Variants in EBF1 observed in about 807,000 individuals in gnomAD.
The protein encoded by EBF1 is EBF transcription factor 1.
In EBF1, 10 loss-of-function variants were observed where a neutral mutation model predicts 68.4. That is an observed-to-expected ratio of 0.15 (90% CI 0.09 to 0.25). The LOEUF (loss-of-function observed/expected upper bound fraction) is 0.25, where lower values mean the gene tolerates loss of function less well. Ranked by LOEUF, EBF1 falls within the 10% of genes least tolerant of loss-of-function variation. The probability of loss-of-function intolerance (pLI) is 1.00; values close to 1 mark genes in which losing one functional copy is unlikely to be tolerated. For missense variants in EBF1, 509 were observed against 794.4 expected (o/e 0.64, Z 4.32); for synonymous variants, 298 against 299.8 (o/e 0.99, Z 0.06).
chr5:158,994,489 C>T (rs1233302519), intron 6 of EBF1, among the ~76,000 whole-genome samples: 1 of 152,180 alleles, frequency 6.6e-6, no homozygotes, highest in African/African-American at 2.4e-5. Context: ...GTGACACAAC[C>T]TGCGGAGCTG....
At chr5:158,747,394 G>A (rs1025321307) in intron 10 of EBF1, among the ~76,000 whole-genome samples, 1 of 152,184 alleles carries the variant, frequency 6.6e-6, no homozygotes, top group African/African-American at 2.4e-5. Flanking sequence ...CTTGGGTGAA[G>A]GATTGGTAGG....
chr5:159,092,171 G>T (rs1781761229), intron 4 of EBF1, among the ~76,000 whole-genome samples: 1 of 152,176 alleles, frequency 6.6e-6, no homozygotes, highest in Non-Finnish European at 1.5e-5. Flanking sequence ...TTCTGCAGTA[G>T]ATATTGTTTC....
intron 6 of EBF1, among the ~76,000 whole-genome samples, chr5:159,039,258 T>C (rs1032510700): frequency 3.3e-5 from 5 of 152,250 alleles, no homozygotes; most frequent in Non-Finnish European, 4.4e-5. Context: ...TATAACTCTA[T>C]GCATTAAACC....
intron 9 of EBF1, among the ~76,000 whole-genome samples, chr5:158,791,619 T>C (rs534352842): frequency 6.6e-6 from 1 of 151,962 alleles, no homozygotes; most frequent in South Asian, 2.1e-4. Flanking sequence ...CTAAATTGTA[T>C]AAATTCTGTG....
chr5:158,984,697 T>TC (rs1480193706), intron 6 of EBF1: 2 of 147,220 alleles, frequency 1.4e-5, no homozygotes, highest in African/African-American at 5.1e-5. Context: ...TTTTTTTTTT[T>TC]TTTTTTTGAG....
chr5:158,775,809 C>G (rs1292272636), intron 10 of EBF1, among the ~76,000 whole-genome samples: 2 of 150,880 alleles, frequency 1.3e-5, no homozygotes, highest in African/African-American at 2.4e-5. Flanking sequence ...CACACACACA[C>G]ACACACACAC....
In EBF1 at chr5:158,834,301, A is replaced by G. The variant is rs557819555; in HGVS notation, c.636+5728T>C. Among the ~76,000 whole-genome samples the G allele has an allele frequency of 2.6e-5, 4 of 152,310 alleles. No homozygotes were observed. In the East Asian group the frequency reaches 5.8e-4, roughly 22 times the overall value. On this transcript the variant is annotated intron_variant, in intron 7 of 15. Coordinates refer to ENST00000313708, the MANE Select transcript of EBF1 (RefSeq NM_024007.5). ...ACATTAGCATCTTTTTAGTGTCAAG[A>G]CGAAGAAATAGGATTGTTTAGTCAT...
intron 10 of EBF1, among the ~76,000 whole-genome samples, chr5:158,733,508 T>C (rs2127551995): frequency 6.6e-6 from 1 of 152,228 alleles, no homozygotes; most frequent in Non-Finnish European, 1.5e-5. Context: ...TATCAGCAAT[T>C]AAAAGAACCA....
intron 6 of EBF1, among the ~76,000 whole-genome samples, chr5:158,904,886 AT>A (rs1421963586): frequency 6.6e-6 from 1 of 152,102 alleles, no homozygotes; most frequent in Non-Finnish European, 1.5e-5. Flanking sequence ...TGGCATTTCA[AT>A]TTGTTATTCT....
intron 6 of EBF1, among the ~76,000 whole-genome samples, chr5:158,869,537 A>G (rs1796503404): frequency 6.6e-6 from 1 of 151,136 alleles, no homozygotes; most frequent in African/African-American, 2.4e-5. Context: ...CTATATTAGT[A>G]GTGTTCTCTT....
chr5:158,711,708 G>C (rs1759371798), intron 14 of EBF1, among the ~76,000 whole-genome samples: 1 of 151,384 alleles, frequency 6.6e-6, no homozygotes, highest in Non-Finnish European at 1.5e-5. Flanking sequence ...GTCTTGCTCT[G>C]TCACCCAGGC....
chr5:158,831,039 A>T (rs1270968947), intron 7 of EBF1, among the ~76,000 whole-genome samples: 1 of 152,206 alleles, frequency 6.6e-6, no homozygotes, highest in Non-Finnish European at 1.5e-5. Context: ...GAACGGTGAC[A>T]TATGATAAAC....
At chr5:158,796,616 G>T in intron 8 of EBF1, 141 bp from the exon 9 acceptor site, 2 of 1,028,354 alleles carry the variant, frequency 1.9e-6, no homozygotes, top group Non-Finnish European at 2.7e-6. Context: ...GCATTTCCCA[G>T]CCACATTAGG....
intron 6 of EBF1, among the ~76,000 whole-genome samples, chr5:158,954,136 G>A (rs778706368): frequency 2.0e-5 from 3 of 152,202 alleles, no homozygotes; most frequent in Non-Finnish European, 2.9e-5. Flanking sequence ...TTTTCTCAGA[G>A]TATTCTGTTC....
intron 6 of EBF1, among the ~76,000 whole-genome samples, chr5:158,928,114 C>T (rs961409131): frequency 6.6e-6 from 1 of 152,216 alleles, no homozygotes; most frequent in Admixed American, 6.5e-5. Context: ...TAATTATGAT[C>T]TCAGGGTGTC....
chr5:159,096,882 T>A, intron 2 of EBF1, 92 bp downstream of exon 2: 1 of 1,476,004 alleles, frequency 6.8e-7, no homozygotes, highest in Non-Finnish European at 9.1e-7. Flanking sequence ...TATGGATGCT[T>A]TGCACTCAAG....
chr5:158,892,655 A>G (rs902380804), intron 6 of EBF1, among the ~76,000 whole-genome samples: 3 of 152,202 alleles, frequency 2.0e-5, no homozygotes, highest in Non-Finnish European at 4.4e-5. Flanking sequence ...TAAGTTTAAG[A>G]CATATATACA....
chr5:159,019,648 T>G (rs4921530), intron 6 of EBF1, among the ~76,000 whole-genome samples: 31,335 of 152,236 alleles, frequency 0.21, 4,137 homozygotes, highest in South Asian at 0.43. Context: ...TTTCAAAGAT[T>G]GCAAAGATTC....
chr5:158,751,586 G>A (rs957580007), intron 10 of EBF1, among the ~76,000 whole-genome samples: 1 of 152,074 alleles, frequency 6.6e-6, no homozygotes, highest in African/African-American at 2.4e-5. Context: ...AGACGGTCTG[G>A]CCAGGTTCCT....
Sources: allele counts gnomAD v4.1 joint callset (sites outside exome capture counted in the v4.1 genomes callset), GRCh38; gene constraint gnomAD v4.1.1; transcripts MANE v1.5; gene names NCBI Gene and HGNC (gene_info 2026-07-23, HGNC 2026-07-21).